PTPRM: variants seen among roughly 807,000 people sequenced by gnomAD.
PTPRM encodes the protein receptor-type tyrosine-protein phosphatase mu.
A neutral mutation model predicts 186.7 loss-of-function variants in PTPRM; 47 were observed. That is an observed-to-expected ratio of 0.25 (90% CI 0.20 to 0.32). The LOEUF (loss-of-function observed/expected upper bound fraction) is 0.32, where lower values mean the gene tolerates loss of function less well. Ranked by LOEUF, PTPRM falls within the 10% of genes least tolerant of loss-of-function variation. The pLI, the probability that PTPRM is intolerant of heterozygous loss-of-function variation, is 1.00. For missense variants in PTPRM, 1,494 were observed against 1,865.0 expected (o/e 0.80, Z 3.66); for synonymous variants, 668 against 674.9 (o/e 0.99, Z 0.16).
intron 7 of PTPRM, among the ~76,000 whole-genome samples, chr18:7,960,480 T>TACACACAC (rs74175819): frequency 1.0e-4 from 9 of 86,580 alleles, no homozygotes; most frequent in African/African-American, 3.9e-4. Context: ...TATATATATA[T>TACACACAC]ACACACACAC....
At chr18:7,602,685 T>A (rs2037432513) in intron 1 of PTPRM, among the ~76,000 whole-genome samples, 1 of 151,794 alleles carries the variant, frequency 6.6e-6, no homozygotes. Flanking sequence ...ACTATAGAGC[T>A]TTATAGAAAT....
intron 1 of PTPRM, among the ~76,000 whole-genome samples, chr18:7,737,613 A>G (rs558173361): frequency 6.6e-6 from 1 of 152,340 alleles, no homozygotes; most frequent in South Asian, 2.1e-4. Context: ...GCTGGTAAGT[A>G]GCCACTGCCT....
At chr18:8,306,333 A>C (rs1185750788) in intron 20 of PTPRM, among the ~76,000 whole-genome samples, 1 of 152,192 alleles carries the variant, frequency 6.6e-6, no homozygotes, top group Non-Finnish European at 1.5e-5. Flanking sequence ...GAAGCTCAGC[A>C]GGACTCCAAA....
intron 1 of PTPRM, among the ~76,000 whole-genome samples, chr18:7,698,309 C>A (rs551655343): frequency 6.6e-6 from 1 of 152,180 alleles, no homozygotes; most frequent in Non-Finnish European, 1.5e-5. Context: ...GTGAAGCTTC[C>A]ATTACTTGTT....
chr18:8,081,916 G>T (rs2145204917), intron 9 of PTPRM, among the ~76,000 whole-genome samples: 1 of 152,282 alleles, frequency 6.6e-6, no homozygotes, highest in Admixed American at 6.5e-5. Context: ...TTACCAAATT[G>T]TCAAAGGGCT....
chr18:8,300,132 A>G (rs2095140600), intron 20 of PTPRM, among the ~76,000 whole-genome samples: 1 of 152,210 alleles, frequency 6.6e-6, no homozygotes, highest in African/African-American at 2.4e-5. Context: ...CATGCATGAA[A>G]TAATAGATCT....
At chr18:7,886,489 A>G (rs1038892971) in intron 2 of PTPRM, among the ~76,000 whole-genome samples, 2 of 152,206 alleles carry the variant, frequency 1.3e-5, no homozygotes, top group Non-Finnish European at 2.9e-5. Flanking sequence ...GGTACATAAC[A>G]TTCATTGCTT....
intron 20 of PTPRM, among the ~76,000 whole-genome samples, chr18:8,301,020 T>G (rs1194078514): frequency 6.6e-6 from 1 of 152,204 alleles, no homozygotes; most frequent in Non-Finnish European, 1.5e-5. Flanking sequence ...CTAAAAATTA[T>G]GTAACTGTAG....
At chr18:7,612,911 G>A (rs781067886) in intron 1 of PTPRM, among the ~76,000 whole-genome samples, 6 of 152,174 alleles carry the variant, frequency 3.9e-5, no homozygotes, top group Non-Finnish European at 1.5e-5. Context: ...TTCCCTTCAT[G>A]TGTTTCTGCC....
chr18:8,007,169 G>C (rs147591701), intron 7 of PTPRM, among the ~76,000 whole-genome samples: 63 of 152,296 alleles, frequency 4.1e-4, no homozygotes, highest in Middle Eastern at 3.4e-3. Flanking sequence ...TGGTTTTTAT[G>C]ATCAGACAAG....
intron 19 of PTPRM, among the ~76,000 whole-genome samples, chr18:8,263,524 TG>T (rs1416276799): frequency 6.6e-6 from 1 of 152,198 alleles, no homozygotes; most frequent in African/African-American, 2.4e-5. Context: ...TTAAAACCCT[TG>T]GGATTTTATG....
intron 1 of PTPRM, among the ~76,000 whole-genome samples, chr18:7,593,726 C>G (rs1012819377): frequency 2.6e-5 from 4 of 152,162 alleles, no homozygotes; most frequent in African/African-American, 9.7e-5. Flanking sequence ...AGGAATTTTA[C>G]TTTGCAAGCC....
intron 14 of PTPRM, among the ~76,000 whole-genome samples, chr18:8,149,993 G>C (rs910167587): frequency 4.6e-5 from 7 of 152,200 alleles, no homozygotes; most frequent in Admixed American, 3.9e-4. Context: ...CTTCTGACTT[G>C]TAGGGTTTCT....
intron 14 of PTPRM, among the ~76,000 whole-genome samples, chr18:8,208,927 A>G (rs1270812569): frequency 6.6e-6 from 1 of 152,214 alleles, no homozygotes; most frequent in Admixed American, 6.5e-5. Context: ...GAGCATAAGC[A>G]TGCGTGCTCT....
intron 11 of PTPRM, among the ~76,000 whole-genome samples, chr18:8,110,734 T>C (rs1018551388): frequency 2.6e-5 from 4 of 152,170 alleles, no homozygotes; most frequent in African/African-American, 9.7e-5. Context: ...CTCATTCCAG[T>C]GAATGATTCC....
chr18:7,682,305 C>G (rs992155873), intron 1 of PTPRM, among the ~76,000 whole-genome samples: 4 of 152,168 alleles, frequency 2.6e-5, no homozygotes, highest in Admixed American at 1.3e-4. Context: ...AAGAAGGTAT[C>G]TGAAGCATCT....
intron 2 of PTPRM, among the ~76,000 whole-genome samples, chr18:7,823,691 C>T (rs545696669): frequency 1.7e-4 from 26 of 152,274 alleles, no homozygotes; most frequent in Admixed American, 1.3e-3. Flanking sequence ...CCTCGAACAT[C>T]GAACTCCAAG....
intron 7 of PTPRM, among the ~76,000 whole-genome samples, chr18:7,994,746 G>A (rs1429086868): frequency 1.3e-5 from 2 of 151,972 alleles, no homozygotes; most frequent in South Asian, 2.1e-4. Flanking sequence ...ATGAAGAAGT[G>A]AAGAAGGAAA....
chr18:7,717,443 G>A (rs1218590092), intron 1 of PTPRM, among the ~76,000 whole-genome samples: 15 of 152,222 alleles, frequency 9.9e-5, no homozygotes, highest in East Asian at 1.9e-4. Context: ...CCCTTCCTGC[G>A]GAGAGCCACT....
Sources: gnomAD v4.1 joint callset for allele counts (sites outside exome capture counted in the v4.1 genomes callset) on GRCh38, gnomAD v4.1.1 for gene constraint, MANE v1.5 for transcripts, NCBI Gene and HGNC (gene_info 2026-07-23, HGNC 2026-07-21) for gene names.